EYS: variants seen among roughly 807,000 people sequenced by gnomAD.
EYS encodes EGF-like photoreceptor maintenance factor, also known as protein eyes shut homolog.
Under a neutral mutation model 282.1 loss-of-function variants are expected in EYS, and 250 were observed. The observed-to-expected ratio is 0.89, with a 90% confidence interval of 0.80 to 0.98. The LOEUF is 0.98. EYS is among the 50% of genes least tolerant of loss of function. The probability of loss-of-function intolerance (pLI) is 0.00; values close to 1 mark genes in which losing one functional copy is unlikely to be tolerated. For missense variants in EYS, 4,016 were observed against 3,709.0 expected (o/e 1.08, Z -2.15); for synonymous variants, 1,355 against 1,282.9 (o/e 1.06, Z -1.20).
intron 5 of EYS, among the ~76,000 whole-genome samples, chr6:65,448,819 A>G (rs188794989): frequency 3.9e-5 from 6 of 152,232 alleles, no homozygotes; most frequent in Non-Finnish European, 8.8e-5. Context: ...AGACTTGATG[A>G]AAATAGTGGT....
At chr6:64,416,905 C>T (rs1345800600) in intron 28 of EYS, among the ~76,000 whole-genome samples, 1 of 151,960 alleles carries the variant, frequency 6.6e-6, no homozygotes, top group African/African-American at 2.4e-5. Context: ...ATGGTTTCAC[C>T]TATTTTAGCT....
At chr6:64,504,491 C>T (rs746863300) in intron 26 of EYS, among the ~76,000 whole-genome samples, 2 of 152,006 alleles carry the variant, frequency 1.3e-5, no homozygotes, top group Admixed American at 6.6e-5. Flanking sequence ...AAATATTGGC[C>T]GACTACCATG....
intron 8 of EYS, among the ~76,000 whole-genome samples, chr6:65,376,869 A>C (rs1239625492): frequency 6.6e-6 from 1 of 152,130 alleles, no homozygotes; most frequent in East Asian, 1.9e-4. Flanking sequence ...CCAGATTCAT[A>C]AAAATAAATT....
At chr6:64,599,866 T>C (rs552976266) in intron 24 of EYS, among the ~76,000 whole-genome samples, 1 of 152,228 alleles carries the variant, frequency 6.6e-6, no homozygotes, top group South Asian at 2.1e-4. Context: ...TTATTTTAGG[T>C]AATAAAGCTA....
At chr6:63,974,717 A>C (rs1033059797) in intron 35 of EYS, among the ~76,000 whole-genome samples, 2 of 152,066 alleles carry the variant, frequency 1.3e-5, no homozygotes, top group Admixed American at 6.6e-5. Context: ...GGTGTAAGGA[A>C]CACAATTTCT....
At chr6:65,370,194 T>A (rs1765084132) in intron 8 of EYS, among the ~76,000 whole-genome samples, 1 of 151,394 alleles carries the variant, frequency 6.6e-6, no homozygotes, top group East Asian at 1.9e-4. Flanking sequence ...ATGCCTCTTC[T>A]TTCTTTCTTT....
chr6:65,459,247 T>C (rs568488156), intron 5 of EYS, among the ~76,000 whole-genome samples: 6 of 152,146 alleles, frequency 3.9e-5, no homozygotes, highest in African/African-American at 1.4e-4. Context: ...GTGCTGAGTG[T>C]ATATGTCACA....
intron 33 of EYS, among the ~76,000 whole-genome samples, chr6:64,006,027 G>T (rs1253366741): frequency 1.3e-5 from 2 of 152,184 alleles, no homozygotes. Context: ...TAGTTTGATA[G>T]AAATAGAATT....
At chr6:65,326,027 G>T (rs760221681) in intron 11 of EYS, among the ~76,000 whole-genome samples, 1 of 151,872 alleles carries the variant, frequency 6.6e-6, no homozygotes, top group South Asian at 2.1e-4. Context: ...TAATTTTAAT[G>T]GGTTTTGGAA....
At chr6:65,370,006 T>C (rs1209351566) in intron 8 of EYS, among the ~76,000 whole-genome samples, 2 of 151,540 alleles carry the variant, frequency 1.3e-5, no homozygotes, top group African/African-American at 4.8e-5. Context: ...TGGTTTGGGG[T>C]ACAATCAGAA....
intron 12 of EYS, among the ~76,000 whole-genome samples, chr6:65,216,052 T>G (rs1766304419): frequency 6.8e-6 from 1 of 147,900 alleles, no homozygotes; most frequent in African/African-American, 2.5e-5. Flanking sequence ...TTCACAGTGT[T>G]CTTTTGTCAG....
chr6:65,067,582 AC>A (rs1233947269), intron 12 of EYS, among the ~76,000 whole-genome samples: 4 of 152,132 alleles, frequency 2.6e-5, no homozygotes, highest in Non-Finnish European at 4.4e-5. Context: ...AGTAATTTGA[AC>A]AGGAAAAATT....
chr6:64,565,392 T>C (rs1342379100), intron 26 of EYS, among the ~76,000 whole-genome samples: 1 of 152,164 alleles, frequency 6.6e-6, no homozygotes, highest in African/African-American at 2.4e-5. Flanking sequence ...TATCAATTTA[T>C]AGATGAATGA....
chr6:64,501,861 TACCATGTATG>T (rs1209263312), intron 26 of EYS, among the ~76,000 whole-genome samples: 10 of 152,270 alleles, frequency 6.6e-5, no homozygotes, highest in South Asian at 4.1e-4. Context: ...ACCTCACCTC[TACCATGTATG>T]ACCATGTATG....
intron 11 of EYS, among the ~76,000 whole-genome samples, chr6:65,298,902 C>G (rs1023476996): frequency 6.6e-6 from 1 of 151,874 alleles, no homozygotes; most frequent in Admixed American, 6.6e-5. Flanking sequence ...ATATTTCACC[C>G]TCAGAAGGCA....
At chr6:65,521,416 T>C (rs1040166882) in intron 2 of EYS, among the ~76,000 whole-genome samples, 1 of 152,188 alleles carries the variant, frequency 6.6e-6, no homozygotes, top group African/African-American at 2.4e-5. Flanking sequence ...GACTAAATTA[T>C]ATAAATCATA....
chr6:64,987,954 ATATAT>A (rs1301892331), intron 14 of EYS, among the ~76,000 whole-genome samples: 1 of 151,456 alleles, frequency 6.6e-6, no homozygotes, highest in African/African-American at 2.4e-5. Context: ...ATTGTATTAA[ATATAT>A]TATGTTTAAC....
intron 26 of EYS, among the ~76,000 whole-genome samples, chr6:64,450,412 G>T (rs1775284922): frequency 1.3e-5 from 2 of 152,138 alleles, no homozygotes; most frequent in African/African-American, 4.8e-5. Context: ...AATAATGGGA[G>T]ACTTTAACAC....
At chr6:64,520,887 A>G (rs1175712450) in intron 26 of EYS, among the ~76,000 whole-genome samples, 1 of 151,760 alleles carries the variant, frequency 6.6e-6, no homozygotes, top group Non-Finnish European at 1.5e-5. Flanking sequence ...ACGAGGTAAG[A>G]AAGAGTCCAA....
Sources: allele counts gnomAD v4.1 joint callset (sites outside exome capture counted in the v4.1 genomes callset), GRCh38; gene constraint gnomAD v4.1.1; transcripts MANE v1.5; gene names NCBI Gene and HGNC (gene_info 2026-07-23, HGNC 2026-07-21).